Variants in CTDSP2 observed in about 807,000 individuals in gnomAD.
CTDSP2 encodes the protein carboxy-terminal domain RNA polymerase II polypeptide A small phosphatase 2.
In CTDSP2, 9 loss-of-function variants were observed where a neutral mutation model predicts 31.6. The ratio of observed to expected loss-of-function variants is 0.28; its 90% CI spans 0.17 to 0.50. The LOEUF is 0.50. Among genes scored for constraint, CTDSP2 ranks in the 20% least tolerant of loss-of-function variants. CTDSP2 has a pLI of 0.98. For synonymous variants in CTDSP2, 134 were observed against 134.5 expected, an observed-to-expected ratio of 1.00 and a Z score of 0.03; for missense variants, 267 against 348.5, an observed-to-expected ratio of 0.77 and a Z score of 1.86.
chr12:57,841,687 C>A (rs1043863381), intron 1 of CTDSP2, among the ~76,000 whole-genome samples: 1 of 152,174 alleles, frequency 6.6e-6, no homozygotes, highest in African/African-American at 2.4e-5. Flanking sequence ...CAAGCCCCCA[C>A]AATCAGTGTC....
At chr12:57,833,347 G>A (rs1333268631) in intron 1 of CTDSP2, among the ~76,000 whole-genome samples, 1 of 152,204 alleles carries the variant, frequency 6.6e-6, no homozygotes, top group East Asian at 1.9e-4. Flanking sequence ...CAGCCCCTGG[G>A]CCTCTGAGAC....
intron 4 of CTDSP2, 70 bp from the exon 5 acceptor site, chr12:57,826,472 G>A: frequency 2.0e-6 from 3 of 1,483,810 alleles, no homozygotes; most frequent in East Asian, 2.3e-5. Flanking sequence ...CATACCCCTA[G>A]GTGGGTGGGG....
At chr12:57,827,376 A>C in intron 3 of CTDSP2, 176 bp downstream of exon 3, 1 of 694,316 alleles carries the variant, frequency 1.4e-6, no homozygotes, top group Non-Finnish European at 2.5e-6. Flanking sequence ...GCTGTCCCCT[A>C]AAATCTAATG....
chr12:57,835,236 G>C (rs1282444184), intron 1 of CTDSP2, among the ~76,000 whole-genome samples: 1 of 151,838 alleles, frequency 6.6e-6, no homozygotes, highest in Non-Finnish European at 1.5e-5. Flanking sequence ...GCTGAGGCAG[G>C]AGAATTGCTT....
At chr12:57,838,471 T>C (rs1044812671) in intron 1 of CTDSP2, among the ~76,000 whole-genome samples, 8 of 152,244 alleles carry the variant, frequency 5.3e-5, no homozygotes, top group Non-Finnish European at 8.8e-5. Context: ...TGGGAGGGGC[T>C]ACACACAGAC....
At chr12:57,827,676 G>A in intron 2 of CTDSP2, 86 bp from the exon 3 acceptor site, 2 of 1,378,438 alleles carry the variant, frequency 1.5e-6, no homozygotes, top group Non-Finnish European at 2.0e-6. Context: ...AAGCCTGGAG[G>A]GCAACTTTCT....
At chr12:57,831,957 G>C (rs1449278465) in intron 1 of CTDSP2, among the ~76,000 whole-genome samples, 1 of 152,200 alleles carries the variant, frequency 6.6e-6, no homozygotes, top group Non-Finnish European at 1.5e-5. Flanking sequence ...GAGAGGAGCA[G>C]GGAAAGATCA....
At chr12:57,834,426 G>A (rs1310420861) in intron 1 of CTDSP2, among the ~76,000 whole-genome samples, 2 of 152,166 alleles carry the variant, frequency 1.3e-5, no homozygotes, top group South Asian at 2.1e-4. Flanking sequence ...GTTGGAAGGG[G>A]TAAAACAGCA....
chr12:57,827,413 G>C (rs1301922462), intron 3 of CTDSP2, 139 bp downstream of exon 3: 36 of 897,708 alleles, frequency 4.0e-5, no homozygotes, highest in Non-Finnish European at 5.8e-5. Flanking sequence ...CCCTCAACAA[G>C]TATGGGGAAC....
intron 5 of CTDSP2, among the ~76,000 whole-genome samples, chr12:57,825,536 C>T (rs1345151991): frequency 6.6e-6 from 1 of 152,194 alleles, no homozygotes; most frequent in Non-Finnish European, 1.5e-5. Flanking sequence ...TCCCTATACC[C>T]TCAGCTAGAC....
chr12:57,841,851 A>T (rs1956284532), intron 1 of CTDSP2, among the ~76,000 whole-genome samples: 1 of 152,250 alleles, frequency 6.6e-6, no homozygotes, highest in African/African-American at 2.4e-5. Context: ...CCTACTAAGT[A>T]CCAAGTATAA....
intron 1 of CTDSP2, among the ~76,000 whole-genome samples, chr12:57,835,579 C>G (rs972073869): frequency 6.6e-6 from 1 of 152,222 alleles, no homozygotes; most frequent in African/African-American, 2.4e-5. Context: ...CTGCGGACAC[C>G]CAGCCCTCCT....
rs1956317181 is a variant in CTDSP2 at position 57,846,447 on chromosome 12, G to T, written c.-12C>A. The T allele has an allele frequency of 6.3e-7, 1 of 1,579,076 alleles. No homozygotes were observed. Among genetic ancestry groups the T allele is most frequent in the Admixed American group, 1.8e-5 (1 of 56,120 alleles). On this transcript the variant is annotated 5_prime_UTR_variant, in exon 1 of 8. Coordinates refer to ENST00000398073, the MANE Select transcript of CTDSP2 (RefSeq NM_005730.4). ...GAGCCGTGTTCCATCTAACAATCCC[G>T]CGGGCCCGGGCTGGCTGGGCGGGAG...
chr12:57,832,832 AAAAAAAC>A (rs1203808848), intron 1 of CTDSP2, among the ~76,000 whole-genome samples: 1 of 151,308 alleles, frequency 6.6e-6, no homozygotes, highest in African/African-American at 2.4e-5. Context: ...AAAGAAAAAG[AAAAAAAC>A]AAAAGACAGC....
At chr12:57,823,837 G>A (rs1956164814) in intron 7 of CTDSP2, 67 bp downstream of exon 7, 1 of 1,607,814 alleles carries the variant, frequency 6.2e-7, no homozygotes, top group South Asian at 1.1e-5. Flanking sequence ...CTTCTCTGGT[G>A]GAGCCCACAG....
At chr12:57,828,249 G>A (rs1030313098) in intron 2 of CTDSP2, among the ~76,000 whole-genome samples, 5 of 152,060 alleles carry the variant, frequency 3.3e-5, no homozygotes, top group Non-Finnish European at 7.4e-5. Flanking sequence ...GAGAAACTCC[G>A]TCTCTACTAA....
chr12:57,842,167 T>C (rs1956286186), intron 1 of CTDSP2: 3 of 152,244 alleles, frequency 2.0e-5, no homozygotes, highest in Admixed American at 6.5e-5. Flanking sequence ...AAGCTATGTA[T>C]TGATATGTAC....
intron 1 of CTDSP2, among the ~76,000 whole-genome samples, chr12:57,841,797 A>C (rs1398762186): frequency 2.0e-5 from 3 of 152,258 alleles, no homozygotes; most frequent in African/African-American, 7.2e-5. Context: ...CGAACAGAGT[A>C]GTCTAACTAT....
chr12:57,831,205 C>T (rs1956213651), intron 1 of CTDSP2, among the ~76,000 whole-genome samples: 1 of 151,754 alleles, frequency 6.6e-6, no homozygotes, highest in South Asian at 2.1e-4. Flanking sequence ...CCTGTAATCC[C>T]AGCACTTTGG....
Sources: gnomAD v4.1 joint callset for allele counts (sites outside exome capture counted in the v4.1 genomes callset) on GRCh38, gnomAD v4.1.1 for gene constraint, MANE v1.5 for transcripts, NCBI Gene and HGNC (gene_info 2026-07-23, HGNC 2026-07-21) for gene names.